LUZP2: variants seen among roughly 807,000 people sequenced by gnomAD.
LUZP2 encodes the protein leucine zipper protein 2.
LUZP2 carries 52 observed loss-of-function variants against 51.6 expected under a neutral mutation model. The observed-to-expected ratio is 1.01, with a 90% confidence interval of 0.81 to 1.27. The LOEUF (loss-of-function observed/expected upper bound fraction) is 1.27, where lower values mean the gene tolerates loss of function less well. Among genes scored for constraint, LUZP2 ranks in the 50% most tolerant of loss-of-function variants. LUZP2 has a pLI of 0.00. For synonymous variants in LUZP2, 154 were observed against 137.3 expected (o/e 1.12, Z -0.85); for missense variants, 436 against 395.4 (o/e 1.10, Z -0.87).
chr11:24,706,050 A>G (rs2133920274), intron 1 of LUZP2, among the ~76,000 whole-genome samples: 1 of 152,298 alleles, frequency 6.6e-6, no homozygotes, highest in South Asian at 2.1e-4. Context: ...GGGCAATGAA[A>G]AAATTTTCAC....
intron 1 of LUZP2, among the ~76,000 whole-genome samples, chr11:24,571,694 C>T (rs1176912131): frequency 2.6e-5 from 4 of 151,938 alleles, no homozygotes; most frequent in African/African-American, 9.7e-5. Flanking sequence ...CTAAAATTGC[C>T]TTAGAAATGT....
chr11:24,795,270 C>A lies in LUZP2; in HGVS notation c.396+31962C>A, dbSNP rs562747136. On this transcript the variant is annotated intron_variant, in intron 5 of 11. Coordinates refer to ENST00000336930, the MANE Select transcript of LUZP2 (RefSeq NM_001009909.4). ...AGATCTTCAGAAACACTCTTTTTTCCTTTTTGTTTGTTTACTTTTTACTCC... is the reference window on the plus strand; with the variant it reads ...AGATCTTCAGAAACACTCTTTTTTCATTTTTGTTTGTTTACTTTTTACTCC... Among the ~76,000 whole-genome samples the A allele has an allele frequency of 8.1e-4, 122 of 151,546 alleles. 1 individual carries two copies. Among genetic ancestry groups the A allele is most frequent in the African/African-American group, 2.9e-3 (118 of 41,374 alleles).
chr11:24,519,475 A>G (rs1394628652), intron 1 of LUZP2, among the ~76,000 whole-genome samples: 1 of 152,214 alleles, frequency 6.6e-6, no homozygotes, highest in East Asian at 1.9e-4. Context: ...GAAGTCAATT[A>G]AACAATTGAA....
At chr11:24,530,112 T>G (rs61673719) in intron 1 of LUZP2, among the ~76,000 whole-genome samples, 2,852 of 150,990 alleles carry the variant, frequency 0.019, 83 homozygotes, top group African/African-American at 0.066. Context: ...GGTTGCAAAT[T>G]TACATACTAG....
intron 1 of LUZP2, among the ~76,000 whole-genome samples, chr11:24,570,283 G>A (rs1852390425): frequency 6.6e-6 from 1 of 151,948 alleles, no homozygotes; most frequent in South Asian, 2.1e-4. Flanking sequence ...TGAGATTTGA[G>A]GGGGAAAGTG....
intron 1 of LUZP2, among the ~76,000 whole-genome samples, chr11:24,682,627 T>TGTGTAC (rs1565074712): frequency 6.8e-6 from 1 of 147,568 alleles, no homozygotes; most frequent in South Asian, 2.1e-4. Context: ...TATATATATA[T>TGTGTAC]ATACACATAT....
rs952164101 is a variant in LUZP2 at position 25,082,626 on chromosome 11, ATT to A, written c.*3969_*3970del. The A allele has an allele frequency of 6.6e-6, 1 of 152,200 alleles. No homozygotes were observed. The highest frequency in any genetic ancestry group is 1.5e-5 in the Non-Finnish European group (1 of 68,014). The allele number at this position is 152,200 out of a possible 1,614,324, so 9.4% of individuals were successfully genotyped here. A position where few individuals can be genotyped will look rare whatever the true frequency, so the allele number is the denominator to read the frequency against. ...GATGGCCTATTTTTGTTCAATAAAG[ATT>A]GTTACAAGAATACAATGTATATTAT... is the stretch of plus-strand genomic sequence containing the variant. On this transcript the variant is annotated 3_prime_UTR_variant, in exon 12 of 12. Transcript: ENST00000336930.
intron 6 of LUZP2, among the ~76,000 whole-genome samples, chr11:24,914,192 T>C (rs1853726431): frequency 6.6e-6 from 1 of 152,168 alleles, no homozygotes. Flanking sequence ...CATGCCTGGG[T>C]GACAGAAATT....
intron 4 of LUZP2, among the ~76,000 whole-genome samples, chr11:24,762,367 G>C (rs1860013380): frequency 6.6e-6 from 1 of 151,988 alleles, no homozygotes; most frequent in African/African-American, 2.4e-5. Flanking sequence ...GGAATCTAAA[G>C]GCATATAACA....
intron 5 of LUZP2, among the ~76,000 whole-genome samples, chr11:24,904,969 T>G (rs1159667164): frequency 1.3e-5 from 2 of 152,118 alleles, no homozygotes; most frequent in Non-Finnish European, 2.9e-5. Flanking sequence ...TAGCTATGCT[T>G]ACATCAGAAA....
chr11:24,513,899 C>G (rs1850386865), intron 1 of LUZP2, among the ~76,000 whole-genome samples: 1 of 152,120 alleles, frequency 6.6e-6, no homozygotes, highest in Admixed American at 6.5e-5. Flanking sequence ...TAAGAGTTGC[C>G]AAACAGAATG....
intron 1 of LUZP2, among the ~76,000 whole-genome samples, chr11:24,641,493 A>G (rs536420713): frequency 1.2e-4 from 19 of 152,008 alleles, no homozygotes; most frequent in Admixed American, 2.6e-4. Flanking sequence ...TGAGATTTTT[A>G]AAATATTACT....
At chr11:24,748,480 A>G (rs1295778934) in intron 4 of LUZP2, among the ~76,000 whole-genome samples, 1 of 143,296 alleles carries the variant, frequency 7.0e-6, no homozygotes, top group Non-Finnish European at 1.5e-5. Flanking sequence ...TTTTTTTTTG[A>G]GACAGAGTCT....
intron 7 of LUZP2, among the ~76,000 whole-genome samples, chr11:24,959,621 A>G (rs1387401605): frequency 6.6e-6 from 1 of 152,178 alleles, no homozygotes; most frequent in Non-Finnish European, 1.5e-5. Flanking sequence ...GACTTTGCTG[A>G]AGTTGCTTAT....
chr11:24,662,786 A>T (rs1409639111), intron 1 of LUZP2, among the ~76,000 whole-genome samples: 1 of 152,142 alleles, frequency 6.6e-6, no homozygotes, highest in Admixed American at 6.5e-5. Flanking sequence ...TCAGGAAAAA[A>T]TATTTAATTA....
At chr11:24,876,499 A>T (rs1280223549) in intron 5 of LUZP2, among the ~76,000 whole-genome samples, 2 of 148,768 alleles carry the variant, frequency 1.3e-5, no homozygotes, top group Non-Finnish European at 3.0e-5. Context: ...TGGTTACTGT[A>T]GCCTTGTAGT....
chr11:24,605,184 T>A (rs79516919), intron 1 of LUZP2, among the ~76,000 whole-genome samples: 2,629 of 151,846 alleles, frequency 0.017, 85 homozygotes, highest in African/African-American at 0.06. Context: ...TCACAGAGAG[T>A]GGCATCAGTG....
At chr11:24,942,125 A>G (rs1162589170) in intron 7 of LUZP2, among the ~76,000 whole-genome samples, 1 of 152,104 alleles carries the variant, frequency 6.6e-6, no homozygotes, top group Non-Finnish European at 1.5e-5. Flanking sequence ...ACTGATTGGC[A>G]TTTTCTTGCT....
At chr11:25,054,722 T>C (rs975138719) in intron 10 of LUZP2, among the ~76,000 whole-genome samples, 1 of 152,102 alleles carries the variant, frequency 6.6e-6, no homozygotes. Context: ...TTTTTATTTT[T>C]AATTTTAGTG....
Sources: gnomAD v4.1 joint callset for allele counts (sites outside exome capture counted in the v4.1 genomes callset) on GRCh38, gnomAD v4.1.1 for gene constraint, MANE v1.5 for transcripts, NCBI Gene and HGNC (gene_info 2026-07-23, HGNC 2026-07-21) for gene names.